Variants in CTCFL observed in about 807,000 individuals in gnomAD.
CTCFL encodes the protein transcriptional repressor CTCFL.
A neutral mutation model predicts 67.4 loss-of-function variants in CTCFL; 36 were observed. The ratio of observed to expected loss-of-function variants is 0.53; its 90% CI spans 0.41 to 0.71. The LOEUF is 0.71. Among genes scored for constraint, CTCFL ranks in the 30% least tolerant of loss-of-function variants. The pLI is 0.00. For missense variants in CTCFL, 786 were observed against 835.2 expected, an observed-to-expected ratio of 0.94 and a Z score of 0.73; for synonymous variants, 324 against 302.3, an observed-to-expected ratio of 1.07 and a Z score of -0.75.
intron 1 of CTCFL, 46 bp from the exon 2 acceptor site, chr20:57,524,262 G>T: frequency 6.4e-7 from 1 of 1,557,332 alleles, no homozygotes. Flanking sequence ...GGAGAAGGGG[G>T]TGGTATGAGG....
intron 1 of CTCFL, chr20:57,524,682 C>T (rs2069722049): frequency 2.0e-6 from 2 of 1,001,584 alleles, no homozygotes; most frequent in South Asian, 4.3e-5. Flanking sequence ...CCAGTGCACA[C>T]CCGGCGCCCA....
Position 57,521,180 on chromosome 20 carries a change from A to G in CTCFL, c.755-1803T>C, listed in dbSNP as rs114185042. ...AGGTATGTTTCTGTTGTTTGAAGCC[A>G]CTCAGTTTGTGGCACTTTGTCATGG... On this transcript the variant is annotated intron_variant, in intron 3 of 10. Coordinates refer to ENST00000243914, the MANE Select transcript of CTCFL (RefSeq NM_001386993.1). Among the ~76,000 whole-genome samples, 456 of 152,300 alleles carry G rather than the reference A, an allele frequency of 3.0e-3. 4 individuals are homozygous for G. The highest frequency in any genetic ancestry group is 0.01 in the African/African-American group (435 of 41,550).
chr20:57,513,743 C>T (rs2068712286), intron 7 of CTCFL: 1 of 1,214,118 alleles, frequency 8.2e-7, no homozygotes, highest in Admixed American at 3.4e-5. Flanking sequence ...CAAAAAAATT[C>T]ATCTCATCTC....
intron 9 of CTCFL, among the ~76,000 whole-genome samples, chr20:57,505,047 C>T (rs2068122730): frequency 1.3e-5 from 2 of 151,838 alleles, no homozygotes; most frequent in South Asian, 2.1e-4. Context: ...TAACAAGAGT[C>T]GGCTTCCCCA....
chr20:57,518,574 C>A (rs1568876046), intron 5 of CTCFL, 184 bp downstream of exon 5: 1 of 1,460,116 alleles, frequency 6.8e-7, no homozygotes, highest in Non-Finnish European at 9.1e-7. Context: ...ATCAAAGAAA[C>A]AAAGAAATCC....
At chr20:57,507,433 A>C (rs2068269746) in intron 9 of CTCFL, 1 of 624,092 alleles carries the variant, frequency 1.6e-6, no homozygotes, top group Non-Finnish European at 2.9e-6. Flanking sequence ...CCTGGCCTCA[A>C]GTTATCCACC....
At position 57,514,626 on chromosome 20, in the gene CTCFL, A is replaced by T. The variant is rs145867236; in HGVS notation, c.1296T>A (p.His432Gln). ...TTTTCCGTGCAATGATGGTGGCACA[A>T]TGGGGACACTGGTATTTGGGGACAT... The part of the protein sequence containing the change: ...GENVPKYQCP[H>Q]CATIIARKSD... Residue 432 changes from histidine (H) to glutamine (Q), a missense_variant, in exon 7 of 11, where the codon CAT (histidine) becomes CAA (glutamine). This residue lies in a region of CTCFL where 254 missense variants were observed against 333.9 expected (regional missense o/e 0.76). Coordinates refer to ENST00000243914, the MANE Select transcript of CTCFL (RefSeq NM_001386993.1). The T allele has an allele frequency of 1.2e-6, 2 of 1,614,222 alleles. No individual in the cohort carries two copies. The highest frequency in any genetic ancestry group is 3.3e-5 in the Admixed American group (2 of 60,030).
At chr20:57,523,483 C>T (rs1450925782) in intron 2 of CTCFL, among the ~76,000 whole-genome samples, 180 bp downstream of exon 2, 2 of 152,122 alleles carry the variant, frequency 1.3e-5, no homozygotes, top group African/African-American at 2.4e-5. Context: ...CCAATTAGCA[C>T]CACTTTTAAA....
chr20:57,513,832 G>C, intron 7 of CTCFL: 5 of 1,288,724 alleles, frequency 3.9e-6, no homozygotes, highest in Non-Finnish European at 5.1e-6. Context: ...ATATATTTTG[G>C]AAAGAGAAAT....
At position 57,518,830 on chromosome 20, in the gene CTCFL, G is replaced by T; in HGVS notation, c.987C>A (p.Val329=). 1 of 1,614,116 alleles carries T rather than the reference G, an allele frequency of 6.2e-7. No individual in the cohort carries two copies. Among genetic ancestry groups the T allele is most frequent in the East Asian group, 2.2e-5 (1 of 44,882 alleles). Residue 329 remains valine, a synonymous_variant, in exon 5 of 11, where the codon GTC becomes GTA. Transcript: ENST00000243914. ...NMAFVTSGEL[V]RHRRYKHTHE... ...GAGTATGTTTATAGCGCCTGTGTCGGACGAGTTCTCCACTGGTGACAAATG... is the reference window on the plus strand; with the variant it reads ...GAGTATGTTTATAGCGCCTGTGTCGTACGAGTTCTCCACTGGTGACAAATG...
At chr20:57,511,884 C>T (rs759333184) in intron 8 of CTCFL, among the ~76,000 whole-genome samples, 3 of 152,228 alleles carry the variant, frequency 2.0e-5, no homozygotes, top group Non-Finnish European at 4.4e-5. Flanking sequence ...TGAGCCACTG[C>T]ACTTGGCCTA....
chr20:57,504,692 C>A (rs1293088280), intron 9 of CTCFL, among the ~76,000 whole-genome samples: 1 of 151,928 alleles, frequency 6.6e-6, no homozygotes, highest in Non-Finnish European at 1.5e-5. Context: ...GGGCTGAAAT[C>A]TGACCACTGC....
At chr20:57,517,282 G>GCTT (rs2068996591) in intron 5 of CTCFL, among the ~76,000 whole-genome samples, 1 of 148,692 alleles carries the variant, frequency 6.7e-6, no homozygotes, top group Non-Finnish European at 1.5e-5. Context: ...GAGTTCAAAT[G>GCTT]CTTTTTTTTT....
At chr20:57,511,375 C>CTGA (rs902509280) in intron 8 of CTCFL, among the ~76,000 whole-genome samples, 15 of 152,118 alleles carry the variant, frequency 9.9e-5, no homozygotes, top group African/African-American at 3.6e-4. Context: ...AATGTGGAAT[C>CTGA]TGAAACCGTG....
intron 7 of CTCFL, chr20:57,513,313 G>C (rs1430171048): frequency 1.0e-6 from 1 of 985,894 alleles, no homozygotes; most frequent in Non-Finnish European, 1.2e-6. Context: ...CACATGGTAA[G>C]GTCTGGCTGG....
chr20:57,508,481 G>T, intron 9 of CTCFL, 125 bp downstream of exon 9: 1 of 868,720 alleles, frequency 1.2e-6, no homozygotes, highest in Non-Finnish European at 1.8e-6. Flanking sequence ...CCTAAGGCAT[G>T]ACAGATGCTC....
intron 3 of CTCFL, among the ~76,000 whole-genome samples, chr20:57,519,718 C>T (rs528324227): frequency 1.1e-4 from 16 of 152,166 alleles, no homozygotes; most frequent in African/African-American, 3.6e-4. Flanking sequence ...AAAGGCACAC[C>T]GCCTACCTGA....
chr20:57,500,172 T>C, intron 10 of CTCFL: 1 of 978,554 alleles, frequency 1.0e-6, no homozygotes, highest in Non-Finnish European at 1.2e-6. Context: ...TCCACAAAAC[T>C]GGTGCCATCA....
chr20:57,499,954 G>A (rs7267256), intron 10 of CTCFL: 262,940 of 985,748 alleles, frequency 0.27, 35,953 homozygotes, highest in Admixed American at 0.39. Flanking sequence ...ACGGCTGGGG[G>A]GTTGGGGAGC....
Sources: gnomAD v4.1 joint callset for allele counts (sites outside exome capture counted in the v4.1 genomes callset) on GRCh38, gnomAD v4.1.1 for gene constraint, gnomAD v4.1.1 regional missense constraint, MANE v1.5 for transcripts, NCBI Gene and HGNC (gene_info 2026-07-23, HGNC 2026-07-21) for gene names.